Variants in PRELID2 observed in about 807,000 individuals in gnomAD.
The protein encoded by PRELID2 is PRELI domain containing 2.
PRELID2 carries 25 observed loss-of-function variants against 28.4 expected under a neutral mutation model. The observed-to-expected ratio is 0.88, with a 90% confidence interval of 0.64 to 1.23. The LOEUF (loss-of-function observed/expected upper bound fraction) is 1.23. PRELID2 is among the 50% of genes most tolerant of loss of function. The probability of loss-of-function intolerance (pLI) is 0.00; values close to 1 mark genes in which losing one functional copy is unlikely to be tolerated. For synonymous variants in PRELID2, 76 were observed against 71.6 expected, an observed-to-expected ratio of 1.06 and a Z score of -0.31; for missense variants, 201 against 214.4, an observed-to-expected ratio of 0.94 and a Z score of 0.39.
chr5:145,297,863 T>G, the PRELID2 span, among the ~76,000 whole-genome samples: 55 of 151,946 alleles, frequency 3.6e-4, no homozygotes, highest in Non-Finnish European at 2.9e-4. Context: ...TGAACTCCCA[T>G]TCACAATTGC....
chr5:145,393,716 C>T, the PRELID2 span, among the ~76,000 whole-genome samples: 1 of 152,166 alleles, frequency 6.6e-6, no homozygotes, highest in Admixed American at 6.6e-5. Context: ...AAACTATTTA[C>T]ACATCAAGTT....
At chr5:145,508,664 G>A (rs1034548060) in intron 1 of PRELID2, among the ~76,000 whole-genome samples, 1 of 152,094 alleles carries the variant, frequency 6.6e-6, no homozygotes, top group Admixed American at 6.6e-5. Context: ...TCTTGCTCAT[G>A]GTCCTGACTC....
the PRELID2 span, among the ~76,000 whole-genome samples, chr5:145,311,681 T>C: frequency 6.6e-6 from 1 of 152,176 alleles, no homozygotes; most frequent in Non-Finnish European, 1.5e-5. Context: ...TAAAGTTAAA[T>C]AGCATGGTAA....
the PRELID2 span, among the ~76,000 whole-genome samples, chr5:145,303,175 G>C: frequency 6.6e-6 from 1 of 152,254 alleles, no homozygotes; most frequent in South Asian, 2.1e-4. Flanking sequence ...CATTTGTAAA[G>C]CACCCCAAAA....
At chr5:145,467,922 AT>A (rs200877652), downstream of PRELID2, among the ~76,000 whole-genome samples, 1,304 of 147,190 alleles carry the variant, frequency 8.9e-3, 20 homozygotes, top group African/African-American at 0.031. Context: ...TTATATATAT[AT>A]TTTTTTATTA....
intron 5 of PRELID2, among the ~76,000 whole-genome samples, chr5:145,792,547 C>T (rs1752464362): frequency 1.3e-5 from 2 of 152,130 alleles, no homozygotes; most frequent in Non-Finnish European, 2.9e-5. Context: ...CTAGATGTCC[C>T]AGAAGTAAAG....
chr5:145,519,285 T>G (rs1361626267), intron 1 of PRELID2, among the ~76,000 whole-genome samples: 1 of 152,206 alleles, frequency 6.6e-6, no homozygotes, highest in Non-Finnish European at 1.5e-5. Context: ...AGAGGTATCT[T>G]GAATGTGCTG....
intron 1 of PRELID2, among the ~76,000 whole-genome samples, chr5:145,707,332 G>A (rs1755574574): frequency 6.6e-6 from 1 of 152,132 alleles, no homozygotes; most frequent in Non-Finnish European, 1.5e-5. Flanking sequence ...AAGTTGAAGG[G>A]CCAAGTGGCC....
intron 1 of PRELID2, among the ~76,000 whole-genome samples, chr5:145,509,827 T>C (rs2126640125): frequency 6.6e-6 from 1 of 152,312 alleles, no homozygotes; most frequent in South Asian, 2.1e-4. Context: ...GTTAACAAAT[T>C]ACCTAACCTC....
At chr5:145,673,155 A>C (rs1754744026) in intron 1 of PRELID2, among the ~76,000 whole-genome samples, 1 of 152,190 alleles carries the variant, frequency 6.6e-6, no homozygotes, top group Non-Finnish European at 1.5e-5. Flanking sequence ...GTATATTCAA[A>C]TCAGCAAAGT....
chr5:145,586,055 A>C (rs1196059946), intron 1 of PRELID2, among the ~76,000 whole-genome samples: 1 of 152,094 alleles, frequency 6.6e-6, no homozygotes, highest in Non-Finnish European at 1.5e-5. Flanking sequence ...TAGAACTGTG[A>C]AGCAAGTGAA....
At chr5:145,768,026 A>T (rs903002554) in intron 5 of PRELID2, among the ~76,000 whole-genome samples, 3 of 152,040 alleles carry the variant, frequency 2.0e-5, no homozygotes, top group Non-Finnish European at 2.9e-5. Flanking sequence ...AGAGATGGAG[A>T]CCATCCTGGC....
At chr5:145,603,232 T>A in intron 1 of PRELID2, among the ~76,000 whole-genome samples, 1 of 137,976 alleles carries the variant, frequency 7.2e-6, no homozygotes, top group Non-Finnish European at 1.6e-5. Context: ...ATATTCAAGA[T>A]AAATAAAAGC....
rs375883204 is a variant in PRELID2 at position 145,816,116 on chromosome 5, T to G, written c.368+1778A>C. On this transcript the variant is annotated intron_variant, in intron 4 of 6. Coordinates refer to ENST00000683046, the MANE Select transcript of PRELID2 (RefSeq NM_205846.3). ...TTTTTTTTTTTTGAGACAGTCTCGC[T>G]CTGTTGCCCAGGCTAGAGTGCCATG... Among the ~76,000 whole-genome samples the G allele has an allele frequency of 1.9e-4, 26 of 140,206 alleles. No homozygotes were observed. The East Asian group carries it at 2.0e-3, about 11-fold the overall frequency. The allele number at this position is 140,206 out of a possible 152,430, so 92.0% of individuals were successfully genotyped here.
chr5:145,741,346 TATTA>T (rs1756728459), intron 1 of PRELID2, among the ~76,000 whole-genome samples: 5 of 115,268 alleles, frequency 4.3e-5, no homozygotes, highest in Non-Finnish European at 8.1e-5. Flanking sequence ...AAATAAAATT[TATTA>T]ATAAATAATT....
intron 1 of PRELID2, among the ~76,000 whole-genome samples, chr5:145,606,123 C>T (rs1327796533): frequency 2.0e-5 from 3 of 152,000 alleles, no homozygotes; most frequent in African/African-American, 7.3e-5. Flanking sequence ...TTTTTGCATC[C>T]TGAAATTTTG....
chr5:145,513,259 G>T (rs563973768), intron 1 of PRELID2, among the ~76,000 whole-genome samples: 1 of 151,994 alleles, frequency 6.6e-6, no homozygotes, highest in East Asian at 1.9e-4. Flanking sequence ...TAGACGAATT[G>T]CTACCTAGAA....
At chr5:145,422,996 G>A in the PRELID2 span, among the ~76,000 whole-genome samples, 6 of 146,734 alleles carry the variant, frequency 4.1e-5, no homozygotes, top group African/African-American at 1.5e-4. Flanking sequence ...CACTTATGAA[G>A]CTTAGTTTGG....
intron 1 of PRELID2, among the ~76,000 whole-genome samples, chr5:145,490,209 C>G (rs1301680761): frequency 6.6e-6 from 1 of 152,138 alleles, no homozygotes; most frequent in Non-Finnish European, 1.5e-5. Flanking sequence ...TTATTTCTTT[C>G]TTTGTGCGCT....
Sources: allele counts gnomAD v4.1 joint callset (sites outside exome capture counted in the v4.1 genomes callset), GRCh38; gene constraint gnomAD v4.1.1; transcripts MANE v1.5; gene names NCBI Gene and HGNC (gene_info 2026-07-23, HGNC 2026-07-21).